Variants in LMTK2 observed in about 807,000 individuals in gnomAD.
LMTK2 encodes lemur tail kinase 2, also known as serine/threonine-protein kinase LMTK2.
In LMTK2, 37 loss-of-function variants were observed where a neutral mutation model predicts 127.5. That is an observed-to-expected ratio of 0.29 (90% CI 0.22 to 0.38). The LOEUF is 0.38. Ranked by LOEUF, LMTK2 falls within the 10% of genes least tolerant of loss-of-function variation. The pLI, the probability that LMTK2 is intolerant of heterozygous loss-of-function variation, is 1.00. For missense variants in LMTK2, 1,694 were observed against 1,920.3 expected, an observed-to-expected ratio of 0.88 and a Z score of 2.20; for synonymous variants, 819 against 810.1, an observed-to-expected ratio of 1.01 and a Z score of -0.19.
rs147770550 is a variant in LMTK2 at position 98,151,532 on chromosome 7, T to C, written c.450+77T>C. 1.4e-5 allele frequency: 17 copies of C among 1,218,008 alleles called. No individual in the cohort carries two copies. The Middle Eastern group carries it at 9.5e-4, about 68-fold the overall frequency. 75.5% of individuals were successfully genotyped at this position (1,218,008 alleles called of 1,614,324 possible). On this transcript the variant is annotated intron_variant, in intron 4 of 13. Transcript: ENST00000297293. ...GTGCAGGGCTGATGAAGAATTGTGT[T>C]GTGTGGAGTTCCACGTGCCCTGTGG... is the stretch of plus-strand genomic sequence containing the variant.
chr7:98,204,066 G>T lies in LMTK2; in HGVS notation c.4363G>T (p.Ala1455Ser), dbSNP rs1344189045. The T allele has an allele frequency of 6.2e-7, 1 of 1,613,912 alleles. No homozygotes were observed. The highest frequency in any genetic ancestry group is 2.2e-5 in the East Asian group (1 of 44,874). ...CAAGTACTTTTCTCCGCCGCCACCG[G>T]CCCGGAGCACGGAGCAGAGCTGGCC... Reference protein sequence around the residue: ...TSKYFSPPPPARSTEQSWPHS... With the variant: ...TSKYFSPPPPSRSTEQSWPHS... Residue 1455 changes from alanine to serine, a missense_variant, in exon 13 of 14, where the codon GCC (alanine) becomes TCC (serine). Physicochemically the swap from Ala to Ser is moderately conservative, Grantham distance 99. This residue lies in a region of LMTK2 where 554 missense variants were observed against 567.7 expected (regional missense o/e 0.98). Transcript: ENST00000297293.
In LMTK2 at chr7:98,194,194, G is replaced by C; in HGVS notation, c.3729G>C (p.Leu1243=). The change falls in exon 11 of 14, where the codon CTG becomes CTC. Residue 1243 remains leucine (L), a synonymous_variant. Transcript: ENST00000297293. This position sits in a 1 kb window ranked among gnomAD's most constrained non-coding sequence, Gnocchi z 5.4. ...NELLAYTNSA[L]DKSLSSHSEG... ...TCCTTGCCTACACCAATTCTGCGCT[G>C]GACAAGTCCCTGTCCAGCCACTCCG... The C allele has an allele frequency of 6.2e-7, 1 of 1,613,960 alleles. No homozygotes were observed. The highest frequency in any genetic ancestry group is 8.5e-7 in the Non-Finnish European group (1 of 1,179,998).
At chr7:98,185,856 C>T (rs1267899248) in intron 8 of LMTK2, among the ~76,000 whole-genome samples, 1 of 152,012 alleles carries the variant, frequency 6.6e-6, no homozygotes, top group Non-Finnish European at 1.5e-5. Flanking sequence ...GTCACCCCAC[C>T]CAGCCTTGAC....
rs1797017301 is a variant in LMTK2, at chr7:98,161,608, T to C, written c.657+2183T>C. On this transcript the variant is annotated intron_variant, in intron 6 of 13. Transcript: ENST00000297293. ...CTGGGATTTCTCAGGGTGTTATTGC[T>C]TATTATTATATAATCGGTTTTGATG... Among the ~76,000 whole-genome samples the C allele has an allele frequency of 2.0e-5, 3 of 152,212 alleles. No homozygotes were observed. In the South Asian group the frequency reaches 6.2e-4, roughly 32 times the overall value.
intron 3 of LMTK2, among the ~76,000 whole-genome samples, 192 bp downstream of exon 3, chr7:98,141,733 T>C (rs1002110473): frequency 2.0e-5 from 3 of 152,252 alleles, no homozygotes; most frequent in African/African-American, 7.2e-5. Context: ...TTCTGCTTTC[T>C]GGACCCTGGG....
At chr7:98,144,365 G>A (rs374130354) in intron 3 of LMTK2, among the ~76,000 whole-genome samples, 11 of 151,614 alleles carry the variant, frequency 7.3e-5, no homozygotes, top group African/African-American at 1.9e-4. Context: ...CCCGGGAGGC[G>A]GAGCTTGCAG....
intron 3 of LMTK2, among the ~76,000 whole-genome samples, chr7:98,150,119 T>G (rs1584264260): frequency 6.6e-6 from 1 of 151,678 alleles, no homozygotes; most frequent in South Asian, 2.1e-4. Context: ...ACCAGCCTGG[T>G]CAATATGGTG....
intron 6 of LMTK2, among the ~76,000 whole-genome samples, chr7:98,160,156 C>T (rs528518326): frequency 4.1e-4 from 63 of 152,132 alleles, no homozygotes; most frequent in Non-Finnish European, 7.8e-4. Context: ...TTGGATGAGT[C>T]AGGTTTTAAT....
chr7:98,145,203 C>G (rs927654871), intron 3 of LMTK2, among the ~76,000 whole-genome samples: 1 of 151,352 alleles, frequency 6.6e-6, no homozygotes, highest in Non-Finnish European at 1.5e-5. Context: ...ATTTAGGATG[C>G]TAACTGTAAT....
chr7:98,136,561 C>T (rs1796598763), intron 1 of LMTK2, among the ~76,000 whole-genome samples: 1 of 152,176 alleles, frequency 6.6e-6, no homozygotes, highest in Non-Finnish European at 1.5e-5. Flanking sequence ...TCCCTGTGGG[C>T]CAGCATTGCT....
intron 11 of LMTK2, among the ~76,000 whole-genome samples, chr7:98,201,483 C>T (rs762455107): frequency 3.3e-5 from 5 of 152,132 alleles, no homozygotes; most frequent in Non-Finnish European, 5.9e-5. Context: ...TTTGGTTTTC[C>T]GATTTGGGAT....
In LMTK2 at chr7:98,156,976, G is replaced by A. The variant is rs933869356; in HGVS notation, c.569+2100G>A. The stretch of plus-strand genomic sequence containing the variant: ...ATTTAAATAGTCATCCGCTGGGTAC[G>A]GTGCCTCAGGTCTATAATCCTAGCC... On this transcript the variant is annotated intron_variant, in intron 5 of 13. Coordinates refer to ENST00000297293, the MANE Select transcript of LMTK2 (RefSeq NM_014916.4). Among the ~76,000 whole-genome samples the A allele has an allele frequency of 7.2e-5, 11 of 152,174 alleles. No homozygotes were observed. The East Asian group carries it at 1.5e-3, about 21-fold the overall frequency.
intron 7 of LMTK2, among the ~76,000 whole-genome samples, chr7:98,179,170 T>G (rs1797316337): frequency 1.3e-5 from 2 of 152,262 alleles, no homozygotes; most frequent in Non-Finnish European, 1.5e-5. Flanking sequence ...ATTGTTCATC[T>G]TTTACCAAGC....
chr7:98,157,960 C>T (rs1473033349), intron 5 of LMTK2, among the ~76,000 whole-genome samples: 1 of 152,116 alleles, frequency 6.6e-6, no homozygotes, highest in African/African-American at 2.4e-5. Flanking sequence ...TGGCAGTTCC[C>T]GGGTTTGGGT....
At chr7:98,144,257 C>T (rs141784302) in intron 3 of LMTK2, among the ~76,000 whole-genome samples, 16 of 151,800 alleles carry the variant, frequency 1.1e-4, no homozygotes, top group African/African-American at 2.2e-4. Context: ...GGTGAAACTC[C>T]GTCTCTACTA....
In LMTK2 at chr7:98,190,927, G is replaced by A. The variant is rs201480120; in HGVS notation, c.1148+50G>A. Reference sequence around the variant, plus strand: ...TTCTGTTTCGTCTTCACTGTGAGGTGTCCCCAAAACACAAAAAAATTCGTG... The same window carrying A: ...TTCTGTTTCGTCTTCACTGTGAGGTATCCCCAAAACACAAAAAAATTCGTG... On this transcript the variant is annotated intron_variant, in intron 10 of 13. Coordinates refer to ENST00000297293, the MANE Select transcript of LMTK2 (RefSeq NM_014916.4). 95 of 1,574,912 alleles carry A rather than the reference G, an allele frequency of 6.0e-5. No homozygotes were observed. The African/African-American group carries it at 1.1e-3, about 19-fold the overall frequency.
intron 3 of LMTK2, among the ~76,000 whole-genome samples, chr7:98,149,458 C>G (rs1340800946): frequency 6.6e-6 from 1 of 152,214 alleles, no homozygotes; most frequent in Non-Finnish European, 1.5e-5. Flanking sequence ...GGACGGCTGC[C>G]AGAGGAGACA....
At chr7:98,158,175 A>G (rs1796957614) in intron 5 of LMTK2, among the ~76,000 whole-genome samples, 1 of 152,228 alleles carries the variant, frequency 6.6e-6, no homozygotes, top group Admixed American at 6.5e-5. Context: ...GAGTTTGCAT[A>G]TACTGTGGAA....
At chr7:98,183,660 G>A (rs117882140) in intron 7 of LMTK2, among the ~76,000 whole-genome samples, 3,009 of 152,254 alleles carry the variant, frequency 0.02, 35 homozygotes, top group Non-Finnish European at 0.029. Flanking sequence ...AGAGTACTGG[G>A]ATTACAAGTG....
Sources: allele counts gnomAD v4.1 joint callset (sites outside exome capture counted in the v4.1 genomes callset), GRCh38; gene constraint gnomAD v4.1.1; regional missense constraint gnomAD v4.1.1; non-coding constraint Gnocchi (gnomAD v3.1); transcripts MANE v1.5; gene names NCBI Gene and HGNC (gene_info 2026-07-23, HGNC 2026-07-21).